EYS: variants seen among roughly 807,000 people sequenced by gnomAD.
EYS encodes the protein EGF-like photoreceptor maintenance factor.
Under a neutral mutation model 282.1 loss-of-function variants are expected in EYS, and 250 were observed. The observed-to-expected ratio is 0.89, with a 90% CI of 0.80 to 0.98. EYS has a LOEUF of 0.98. Among genes scored for constraint, EYS ranks in the 50% least tolerant of loss-of-function variants. The probability of loss-of-function intolerance (pLI) is 0.00; values close to 1 mark genes in which losing one functional copy is unlikely to be tolerated. For missense variants in EYS, 4,016 were observed against 3,709.0 expected (o/e 1.08, Z -2.15); for synonymous variants, 1,355 against 1,282.9 (o/e 1.06, Z -1.20).
At chr6:63,938,511 G>A (rs898083642) in intron 35 of EYS, among the ~76,000 whole-genome samples, 4 of 152,160 alleles carry the variant, frequency 2.6e-5, no homozygotes, top group South Asian at 2.1e-4. Context: ...AAGACCAGAA[G>A]CTATTTTCTT....
intron 2 of EYS, among the ~76,000 whole-genome samples, chr6:65,520,474 T>G (rs748163704): frequency 6.6e-6 from 1 of 152,062 alleles, no homozygotes; most frequent in African/African-American, 2.4e-5. Flanking sequence ...AATTTGAAGT[T>G]ATAATGTCTA....
At chr6:64,988,756 A>C (rs1410932464) in intron 14 of EYS, among the ~76,000 whole-genome samples, 1 of 151,684 alleles carries the variant, frequency 6.6e-6, no homozygotes, top group Non-Finnish European at 1.5e-5. Context: ...TCTTCATAAT[A>C]GGTATTTTAT....
chr6:64,253,460 G>A (rs565207398), intron 30 of EYS, among the ~76,000 whole-genome samples: 1 of 152,274 alleles, frequency 6.6e-6, no homozygotes, highest in Non-Finnish European at 1.5e-5. Flanking sequence ...TTTCTTGTGA[G>A]AGCAACAAAC....
At chr6:65,042,340 G>T (rs111975837) in intron 13 of EYS, among the ~76,000 whole-genome samples, 5,591 of 151,450 alleles carry the variant, frequency 0.037, 346 homozygotes, top group African/African-American at 0.13. Flanking sequence ...TTTTTGTCTA[G>T]TTCATTGACA....
chr6:64,428,596 T>A (rs1303625136), intron 28 of EYS, among the ~76,000 whole-genome samples: 1 of 152,162 alleles, frequency 6.6e-6, no homozygotes, highest in South Asian at 2.1e-4. Context: ...TATGATATGC[T>A]AATCTTTGTT....
intron 37 of EYS, among the ~76,000 whole-genome samples, chr6:63,799,359 A>G (rs1319270694): frequency 1.3e-5 from 2 of 152,046 alleles, no homozygotes; most frequent in South Asian, 4.1e-4. Flanking sequence ...AATACAAACT[A>G]CAGTTGAGAT....
chr6:63,827,866 A>G (rs113456664), intron 36 of EYS, among the ~76,000 whole-genome samples: 6 of 148,408 alleles, frequency 4.0e-5, no homozygotes, highest in Non-Finnish European at 7.4e-5. Context: ...AAAAAAAAAA[A>G]AAAAAGAAAT....
At position 65,144,634 on chromosome 6, in the gene EYS, TGA is replaced by T. The variant is rs1393536076; in HGVS notation, c.2024-86909_2024-86908del. Among the ~76,000 whole-genome samples the T allele has an allele frequency of 6.6e-5, 10 of 152,274 alleles. No homozygotes were observed. In the East Asian group the frequency reaches 1.7e-3, roughly 27 times the overall value. On this transcript the variant is annotated intron_variant, in intron 12 of 42. Coordinates refer to ENST00000503581, the MANE Select transcript of EYS (RefSeq NM_001142800.2). ...ACTCTTACTTTTTTCTCTGTCTCCA[TGA>T]TCATAATTCATTGATTTAAAATTGA...
In EYS at chr6:63,846,937, T is replaced by C. The variant is rs1477173127; in HGVS notation, c.7228+17249A>G. 3.3e-5 allele frequency among the ~76,000 whole-genome samples: 5 copies of C among 151,986 alleles called. No homozygotes were observed. The East Asian group carries it at 9.7e-4, about 30-fold the overall frequency. Reference sequence around the variant, plus strand: ...TTAAAAATTTAAATTCTAAAATTTATTTTTTTTAATTCTAGAAATAAATGT... The same window carrying C: ...TTAAAAATTTAAATTCTAAAATTTACTTTTTTTAATTCTAGAAATAAATGT... On this transcript the variant is annotated intron_variant, in intron 36 of 42. Transcript: ENST00000503581.
intron 28 of EYS, among the ~76,000 whole-genome samples, chr6:64,419,006 G>T (rs1424229883): frequency 6.6e-6 from 1 of 152,032 alleles, no homozygotes; most frequent in African/African-American, 2.4e-5. Context: ...CAGCTGAACT[G>T]GAAAAATGCA....
chr6:65,076,418 C>T (rs1337674449), intron 12 of EYS, among the ~76,000 whole-genome samples: 1 of 151,652 alleles, frequency 6.6e-6, no homozygotes, highest in Non-Finnish European at 1.5e-5. Context: ...TGTTACAAAC[C>T]TTTATAGGGT....
intron 8 of EYS, among the ~76,000 whole-genome samples, chr6:65,383,233 C>T (rs1765682617): frequency 6.6e-6 from 1 of 151,832 alleles, no homozygotes; most frequent in South Asian, 2.1e-4. Flanking sequence ...TATTCCATTT[C>T]CCTCTAATCT....
chr6:64,107,841 G>A (rs1313510309), intron 31 of EYS, among the ~76,000 whole-genome samples: 1 of 151,962 alleles, frequency 6.6e-6, no homozygotes, highest in Non-Finnish European at 1.5e-5. Context: ...CTATGATTAG[G>A]CCTCAATCTT....
In EYS at chr6:63,993,788, GA is replaced by G. The variant is rs1198293574; in HGVS notation, c.6834+5286del. Among the ~76,000 whole-genome samples, 5 of 151,696 alleles carry G rather than the reference GA, an allele frequency of 3.3e-5. No individual in the cohort carries two copies. In the South Asian group the frequency reaches 8.3e-4, roughly 25 times the overall value. The stretch of plus-strand genomic sequence containing the variant: ...TTCCAAAGATATTTTTACAAAAATT[GA>G]AAAAACAATGCTGGAATTTATATGG... On this transcript the variant is annotated intron_variant, in intron 34 of 42. Transcript: ENST00000503581.
chr6:64,349,340 CTTAT>C (rs1023580001), intron 29 of EYS, among the ~76,000 whole-genome samples: 18 of 151,186 alleles, frequency 1.2e-4, no homozygotes, highest in South Asian at 4.2e-4. Flanking sequence ...TGAGTAAACT[CTTAT>C]TTATTTAAGA....
chr6:63,933,191 T>A (rs934032948), intron 35 of EYS, among the ~76,000 whole-genome samples: 5 of 152,204 alleles, frequency 3.3e-5, no homozygotes, highest in Non-Finnish European at 7.4e-5. Context: ...GCCCTCTGAA[T>A]CCTGTTCTTT....
rs141466362 is a variant in EYS, at chr6:65,698,912, A to G, written c.-448+8223T>C. Among the ~76,000 whole-genome samples the G allele has an allele frequency of 3.0e-3, 455 of 152,334 alleles. 3 individuals carry two copies. Among genetic ancestry groups the G allele is most frequent in the African/African-American group, 0.01 (435 of 41,588 alleles). Reference sequence around the variant, plus strand: ...TTCCTGATATTATTCAAAACAGATTACTTTTTCCTACAATTACTTTTCTAA... The same window carrying G: ...TTCCTGATATTATTCAAAACAGATTGCTTTTTCCTACAATTACTTTTCTAA... On this transcript the variant is annotated intron_variant, in intron 1 of 42. Transcript: ENST00000503581.
chr6:64,697,604 G>A (rs146169641), intron 22 of EYS, among the ~76,000 whole-genome samples: 20 of 152,202 alleles, frequency 1.3e-4, no homozygotes, highest in Non-Finnish European at 2.6e-4. Context: ...TCAGTGCATG[G>A]AATATTCTCC....
chr6:65,248,094 T>C (rs1449402849), intron 12 of EYS, among the ~76,000 whole-genome samples: 2 of 152,174 alleles, frequency 1.3e-5, no homozygotes, highest in Admixed American at 1.3e-4. Flanking sequence ...TTGGTTTTTT[T>C]TCCTCCTCAG....
Sources: allele counts gnomAD v4.1 joint callset (sites outside exome capture counted in the v4.1 genomes callset), GRCh38; gene constraint gnomAD v4.1.1; transcripts MANE v1.5; gene names NCBI Gene and HGNC (gene_info 2026-07-23, HGNC 2026-07-21).